Variants in KCNH1 observed in about 807,000 individuals in gnomAD.
KCNH1 encodes the protein potassium voltage-gated channel subfamily H member 1.
In KCNH1, 27 loss-of-function variants were observed where a neutral mutation model predicts 69.2. The ratio of observed to expected loss-of-function variants is 0.39; its 90% CI spans 0.29 to 0.54. The LOEUF is 0.54. Ranked by LOEUF, KCNH1 falls within the 20% of genes least tolerant of loss-of-function variation. The probability of loss-of-function intolerance (pLI) is 0.68; values close to 1 mark genes in which losing one functional copy is unlikely to be tolerated. For synonymous variants in KCNH1, 456 were observed against 487.7 expected (o/e 0.93, Z 0.86); for missense variants, 798 against 1,261.6 (o/e 0.63, Z 5.57).
At chr1:210,993,161 AC>A (rs1202654790) in intron 6 of KCNH1, among the ~76,000 whole-genome samples, 2 of 152,192 alleles carry the variant, frequency 1.3e-5, no homozygotes, top group Non-Finnish European at 2.9e-5. Context: ...AAATATGTAC[AC>A]TATTTTAAGT....
At chr1:210,984,109 T>G (rs2102381172) in intron 6 of KCNH1, among the ~76,000 whole-genome samples, 1 of 152,344 alleles carries the variant, frequency 6.6e-6, no homozygotes, top group Non-Finnish European at 1.5e-5. Context: ...TTGTGATTTT[T>G]GCACATTGAT....
intron 5 of KCNH1, among the ~76,000 whole-genome samples, chr1:211,032,069 G>T (rs1689795752): frequency 6.6e-6 from 1 of 152,112 alleles, no homozygotes; most frequent in South Asian, 2.1e-4. Flanking sequence ...AAAGTCTCAG[G>T]ATACAAAATC....
chr1:211,048,497 C>T (rs964522870), intron 5 of KCNH1, among the ~76,000 whole-genome samples: 6 of 151,986 alleles, frequency 3.9e-5, no homozygotes, highest in African/African-American at 7.3e-5. Flanking sequence ...ACATATACCA[C>T]GGAATACTAC....
In KCNH1 at chr1:211,001,731, G is replaced by A. The variant is rs190918559; in HGVS notation, c.1032+17052C>T. Among the ~76,000 whole-genome samples, 236 of 152,028 alleles carry A rather than the reference G, an allele frequency of 1.6e-3. 3 individuals are homozygous for A. Among genetic ancestry groups the A allele is most frequent in the East Asian group, 0.014 (70 of 5,172 alleles). ...CATGTACACGTATGTTTATTGCGGC[G>A]CTATTCACAATAGCAAAGACTTGGA... On this transcript the variant is annotated intron_variant, in intron 6 of 10. Coordinates refer to ENST00000271751, the MANE Select transcript of KCNH1 (RefSeq NM_172362.3).
At chr1:210,862,545 G>T (rs1278485034) in intron 7 of KCNH1, among the ~76,000 whole-genome samples, 1 of 152,100 alleles carries the variant, frequency 6.6e-6, no homozygotes, top group Admixed American at 6.6e-5. Context: ...TGTTGCCCAG[G>T]CTGGTCTTGA....
At position 210,859,278 on chromosome 1, in the gene KCNH1, C is replaced by G. The variant is rs1458928933; in HGVS notation, c.1463-55112G>C. On this transcript the variant is annotated intron_variant, in intron 7 of 10. Transcript: ENST00000271751. Reference sequence around the variant, plus strand: ...TTCTCAATCATTTTGGATTCATGAGCTGCTCTTCTTTGATTGGCCAGAGTT... The same window carrying G: ...TTCTCAATCATTTTGGATTCATGAGGTGCTCTTCTTTGATTGGCCAGAGTT... 2.5e-6 allele frequency: 4 copies of G among 1,595,574 alleles called. No homozygotes were observed. The African/African-American group carries it at 4.0e-5, about 16-fold the overall frequency.
At chr1:211,021,891 G>A (rs1413223037) in intron 5 of KCNH1, among the ~76,000 whole-genome samples, 1 of 151,978 alleles carries the variant, frequency 6.6e-6, no homozygotes, top group South Asian at 2.1e-4. Context: ...ATTACAATGT[G>A]CAATTACCCA....
chr1:210,745,107 G>T (rs1445265265), intron 10 of KCNH1, among the ~76,000 whole-genome samples: 1 of 152,236 alleles, frequency 6.6e-6, no homozygotes, highest in Non-Finnish European at 1.5e-5. Context: ...GGAGGCTGGA[G>T]ACACAAGAAT....
intron 10 of KCNH1, among the ~76,000 whole-genome samples, chr1:210,774,024 G>A (rs1683804314): frequency 6.6e-6 from 1 of 152,132 alleles, no homozygotes; most frequent in Non-Finnish European, 1.5e-5. Context: ...TGTGCTTGGA[G>A]TACTGTGTGG....
chr1:210,932,301 T>C (rs1227954115), intron 6 of KCNH1, among the ~76,000 whole-genome samples: 1 of 152,018 alleles, frequency 6.6e-6, no homozygotes, highest in Non-Finnish European at 1.5e-5. Flanking sequence ...TATCTAGAAA[T>C]GAAAGGATGA....
At chr1:210,867,076 G>C (rs536988674) in intron 7 of KCNH1, among the ~76,000 whole-genome samples, 23 of 152,032 alleles carry the variant, frequency 1.5e-4, no homozygotes, top group African/African-American at 5.5e-4. Flanking sequence ...TCTACATTTA[G>C]AGAAAGTAGA....
At chr1:211,099,819 C>T (rs1257228217) in intron 3 of KCNH1, among the ~76,000 whole-genome samples, 2 of 152,144 alleles carry the variant, frequency 1.3e-5, no homozygotes, top group Non-Finnish European at 2.9e-5. Flanking sequence ...GCCTGGGGCT[C>T]CCAAACTAAG....
intron 6 of KCNH1, among the ~76,000 whole-genome samples, chr1:210,969,600 CTA>C (rs1688475197): frequency 6.6e-6 from 1 of 151,950 alleles, no homozygotes; most frequent in Admixed American, 6.6e-5. Flanking sequence ...TTCTAAAACT[CTA>C]TTATATTTGT....
At chr1:211,131,392 C>T (rs899563670) in intron 1 of KCNH1, among the ~76,000 whole-genome samples, 1 of 152,192 alleles carries the variant, frequency 6.6e-6, no homozygotes, top group African/African-American at 2.4e-5. Context: ...TAAGGAATAC[C>T]AGCCTCAGGC....
At chr1:210,694,035 C>T (rs1352043414) in intron 10 of KCNH1, among the ~76,000 whole-genome samples, 1 of 152,192 alleles carries the variant, frequency 6.6e-6, no homozygotes, top group Non-Finnish European at 1.5e-5. Flanking sequence ...GAGGAAAAGT[C>T]TTACAGACTG....
At chr1:210,933,612 A>C (rs1391001403) in intron 6 of KCNH1, among the ~76,000 whole-genome samples, 1 of 152,166 alleles carries the variant, frequency 6.6e-6, no homozygotes, top group Admixed American at 6.5e-5. Context: ...TTTTTTCAAA[A>C]GATAAACAAA....
rs138385895 is a variant in KCNH1 at position 210,699,453 on chromosome 1, G to A, written c.2113-15315C>T. On this transcript the variant is annotated intron_variant, in intron 10 of 10. Coordinates refer to ENST00000271751, the MANE Select transcript of KCNH1 (RefSeq NM_172362.3). ...GGCCAAGAGAGCCCCACTCTGCCGA[G>A]GAGGAGCTTTGAGAAGCCGTCTTTG... Among the ~76,000 whole-genome samples, 1,188 of 152,368 alleles carry A rather than the reference G, an allele frequency of 7.8e-3. 6 individuals carry two copies. Among genetic ancestry groups the A allele is most frequent in the Non-Finnish European group, 0.012 (798 of 68,048 alleles).
In KCNH1 at chr1:210,680,663, T is replaced by C. The variant is rs1681242981; in HGVS notation, c.*2618A>G. 1.3e-5 allele frequency: 2 copies of C among 152,120 alleles called. No individual in the cohort carries two copies. Among genetic ancestry groups the C allele is most frequent in the Non-Finnish European group, 2.9e-5 (2 of 68,026 alleles). The allele number at this position is 152,120 out of a possible 1,614,324, so 9.4% of individuals were successfully genotyped here. On this transcript the variant is annotated 3_prime_UTR_variant, in exon 11 of 11. Transcript: ENST00000271751. ...AAGGAAGGGAGAAAGGTTTGGCTCA[T>C]TTACACAATGTTTTTTCAAAGAAAA...
chr1:210,964,835 C>A (rs1688368404), intron 6 of KCNH1, among the ~76,000 whole-genome samples: 1 of 152,098 alleles, frequency 6.6e-6, no homozygotes, highest in Admixed American at 6.6e-5. Flanking sequence ...TGACGAACAT[C>A]AATGCAAAAA....
Sources: gnomAD v4.1 joint callset for allele counts (sites outside exome capture counted in the v4.1 genomes callset) on GRCh38, gnomAD v4.1.1 for gene constraint, MANE v1.5 for transcripts, NCBI Gene and HGNC (gene_info 2026-07-23, HGNC 2026-07-21) for gene names.